Variants in PPP2R2C observed in about 807,000 individuals in gnomAD.
PPP2R2C encodes the protein protein phosphatase 2 regulatory subunit Bgamma, also known as protein phosphatase 2, regulatory subunit B, gamma.
A neutral mutation model predicts 45.3 loss-of-function variants in PPP2R2C; 10 were observed. The observed-to-expected ratio is 0.22, with a 90% CI of 0.14 to 0.37. PPP2R2C has a LOEUF of 0.37. Ranked by LOEUF, PPP2R2C falls within the 10% of genes least tolerant of loss-of-function variation. PPP2R2C has a pLI of 1.00. For missense variants in PPP2R2C, 308 were observed against 619.7 expected (o/e 0.50, Z 5.34); for synonymous variants, 257 against 245.4 (o/e 1.05, Z -0.44).
rs537176500 is a variant in PPP2R2C, at chr4:6,436,637, A to G, written c.70+35523T>C. On this transcript the variant is annotated intron_variant, in intron 1 of 8. Transcript: ENST00000382599. ...TTCAGAATGTTTCCTGCTGCTCCAT[A>G]TGAGTCATTGACATGAACCAAGGGT... Among the ~76,000 whole-genome samples, 9 of 152,350 alleles carry G rather than the reference A, an allele frequency of 5.9e-5. No homozygotes were observed. In the South Asian group the frequency reaches 1.9e-3, roughly 32 times the overall value.
rs369506775 is a variant in PPP2R2C at position 6,381,139 on chromosome 4, C to T, written c.71-45G>A. ...ACGGGAAGGGGTGGCTGTCAGAACC[C>T]GCCTCTCCCGGGTGCTCAACAGTGC... On this transcript the variant is annotated intron_variant, in intron 1 of 8. Coordinates refer to ENST00000382599, the MANE Select transcript of PPP2R2C (RefSeq NM_020416.4). The T allele has an allele frequency of 8.1e-5, 126 of 1,554,142 alleles. 1 individual carries two copies. Among genetic ancestry groups the T allele is most frequent in the Middle Eastern group, 5.0e-4 (3 of 6,020 alleles).
intron 1 of PPP2R2C, among the ~76,000 whole-genome samples, chr4:6,457,044 A>G (rs567488207): frequency 6.6e-6 from 1 of 152,068 alleles, no homozygotes; most frequent in Non-Finnish European, 1.5e-5. Context: ...TTCCGTCTCT[A>G]CTAAAAATAC....
chr4:6,550,492 C>T (rs759476331), intron 1 of PPP2R2C, among the ~76,000 whole-genome samples: 26 of 152,346 alleles, frequency 1.7e-4, no homozygotes, highest in Non-Finnish European at 3.2e-4. Context: ...GTGCTGTTTC[C>T]TCTGCCGGGA....
chr4:6,512,674 G>GTGC (rs1560595818), intron 2 of PPP2R2C, among the ~76,000 whole-genome samples: 1 of 149,590 alleles, frequency 6.7e-6, no homozygotes, highest in African/African-American at 2.5e-5. Flanking sequence ...GGTGGTGGTG[G>GTGC]TGGTGATACT....
intron 1 of PPP2R2C, among the ~76,000 whole-genome samples, chr4:6,468,700 T>C (rs894223318): frequency 2.0e-5 from 3 of 152,150 alleles, no homozygotes; most frequent in Non-Finnish European, 4.4e-5. Context: ...AGGATGTGCT[T>C]GGCAAATGGT....
chr4:6,552,036 C>T (rs994972008), intron 1 of PPP2R2C, among the ~76,000 whole-genome samples: 1 of 152,196 alleles, frequency 6.6e-6, no homozygotes, highest in African/African-American at 2.4e-5. Flanking sequence ...CAAGTGGCAG[C>T]AAAGGACCAG....
intron 1 of PPP2R2C, among the ~76,000 whole-genome samples, chr4:6,463,772 A>T (rs1353659406): frequency 2.6e-5 from 4 of 152,370 alleles, no homozygotes; most frequent in Non-Finnish European, 1.5e-5. Flanking sequence ...CCTGCCCTTC[A>T]GTCCCTGGAC....
chr4:6,404,646 G>A (rs1446680206), intron 1 of PPP2R2C, among the ~76,000 whole-genome samples: 3 of 125,926 alleles, frequency 2.4e-5, no homozygotes, highest in East Asian at 5.0e-4. Context: ...AGTTGCAGAG[G>A]GATGCTGGTG....
chr4:6,356,590 A>G (rs1340724072), intron 5 of PPP2R2C, among the ~76,000 whole-genome samples: 1 of 152,216 alleles, frequency 6.6e-6, no homozygotes, highest in Non-Finnish European at 1.5e-5. Context: ...CAACTTCAGA[A>G]GGGCAATTGC....
At chr4:6,359,551 TTTAG>T (rs1374215355) in intron 5 of PPP2R2C, among the ~76,000 whole-genome samples, 2 of 152,020 alleles carry the variant, frequency 1.3e-5, no homozygotes, top group Non-Finnish European at 2.9e-5. Context: ...TTCGGGTATA[TTTAG>T]TTAAATACAT....
At chr4:6,527,234 C>A (rs540312742) in intron 2 of PPP2R2C, among the ~76,000 whole-genome samples, 1 of 152,200 alleles carries the variant, frequency 6.6e-6, no homozygotes, top group Non-Finnish European at 1.5e-5. Flanking sequence ...CGACCTTGGC[C>A]AGGGAGCGGG....
Position 6,323,212 on chromosome 4 carries a change from T to C in PPP2R2C, c.*90A>G. 1 of 1,461,656 alleles carries C rather than the reference T, an allele frequency of 6.8e-7. No homozygotes were observed. Among genetic ancestry groups the C allele is most frequent in the Non-Finnish European group, 9.3e-7 (1 of 1,078,582 alleles). The allele number at this position is 1,461,656 out of a possible 1,614,324, so 90.5% of individuals were successfully genotyped here. On this transcript the variant is annotated 3_prime_UTR_variant, in exon 9 of 9. Transcript: ENST00000382599. ...CAGCTGTCCTCATCAGTGCTGTGAC[T>C]TTCTTCCCCTCCTTGCATTGCGGTC...
intron 1 of PPP2R2C, among the ~76,000 whole-genome samples, chr4:6,440,149 A>G (rs1720082250): frequency 6.6e-6 from 1 of 152,128 alleles, no homozygotes; most frequent in Admixed American, 6.5e-5. Context: ...CTCCCTTCAC[A>G]TGGGTATGAC....
chr4:6,477,641 G>C (rs1722207680), intron 2 of PPP2R2C, among the ~76,000 whole-genome samples: 1 of 151,108 alleles, frequency 6.6e-6, no homozygotes, highest in Admixed American at 6.6e-5. Context: ...CAGGAGAAGG[G>C]TGTGAACCCG....
intron 6 of PPP2R2C, among the ~76,000 whole-genome samples, chr4:6,341,081 C>T (rs753943262): frequency 2.6e-5 from 4 of 152,228 alleles, no homozygotes; most frequent in Non-Finnish European, 5.9e-5. Flanking sequence ...GTGGCTCACG[C>T]CTGTAATCCC....
chr4:6,359,454 A>G (rs913594447), intron 5 of PPP2R2C, among the ~76,000 whole-genome samples: 8 of 152,160 alleles, frequency 5.3e-5, no homozygotes, highest in African/African-American at 1.9e-4. Flanking sequence ...TGTAACAAAC[A>G]TGCACATTGT....
At chr4:6,545,433 C>G (rs1053260902) in intron 1 of PPP2R2C, among the ~76,000 whole-genome samples, 1 of 152,196 alleles carries the variant, frequency 6.6e-6, no homozygotes, top group Non-Finnish European at 1.5e-5. Flanking sequence ...GAAGACTAAT[C>G]ACCAAAAATT....
At chr4:6,555,080 G>A (rs1199714196) in intron 1 of PPP2R2C, among the ~76,000 whole-genome samples, 2 of 152,144 alleles carry the variant, frequency 1.3e-5, no homozygotes, top group Admixed American at 1.3e-4. Context: ...TCGATTCAGT[G>A]TCTGACAAGG....
At chr4:6,464,898 G>A (rs1397548677) in intron 1 of PPP2R2C, among the ~76,000 whole-genome samples, 1 of 133,048 alleles carries the variant, frequency 7.5e-6, no homozygotes, top group Non-Finnish European at 1.6e-5. Context: ...CAGAGAGAGA[G>A]AGAAGGAAGG....
Sources: allele counts gnomAD v4.1 joint callset (sites outside exome capture counted in the v4.1 genomes callset), GRCh38; gene constraint gnomAD v4.1.1; transcripts MANE v1.5; gene names NCBI Gene and HGNC (gene_info 2026-07-23, HGNC 2026-07-21).